The following ZBTB44 variants were observed in gnomAD, a reference collection of about 807,000 sequenced individuals.
ZBTB44 encodes the protein zinc finger and BTB domain containing 44, also known as zinc finger and BTB domain-containing protein 44.
In ZBTB44, 15 loss-of-function variants were observed where a neutral mutation model predicts 54.0. The observed-to-expected ratio is 0.28, with a 90% CI of 0.19 to 0.43. The LOEUF (loss-of-function observed/expected upper bound fraction) is 0.43. Among genes scored for constraint, ZBTB44 ranks in the 20% least tolerant of loss-of-function variants. The pLI is 1.00. For missense variants in ZBTB44, 487 were observed against 707.1 expected (o/e 0.69, Z 3.53); for synonymous variants, 230 against 250.1 (o/e 0.92, Z 0.76).
At chr11:130,241,900 T>C (rs191134366) in intron 2 of ZBTB44, among the ~76,000 whole-genome samples, 11 of 152,220 alleles carry the variant, frequency 7.2e-5, no homozygotes, top group Middle Eastern at 3.2e-3. Context: ...TCCTGTGTTG[T>C]ATGTCATGTA....
At chr11:130,265,100 C>T (rs1370145458) in intron 1 of ZBTB44, among the ~76,000 whole-genome samples, 2 of 152,130 alleles carry the variant, frequency 1.3e-5, no homozygotes, top group African/African-American at 4.8e-5. Context: ...ACTAGTCATT[C>T]CCCCATCTCT....
intron 1 of ZBTB44, among the ~76,000 whole-genome samples, chr11:130,298,493 C>G (rs1941798927): frequency 7.4e-6 from 1 of 135,462 alleles, no homozygotes; most frequent in African/African-American, 2.8e-5. Flanking sequence ...GACTGAGTCT[C>G]GCTCTGTCAC....
chr11:130,282,678 C>T (rs989112058), intron 1 of ZBTB44, among the ~76,000 whole-genome samples: 3 of 152,316 alleles, frequency 2.0e-5, no homozygotes, highest in Admixed American at 2.0e-4. Flanking sequence ...ACTGAAGTTA[C>T]CCCAAACATA....
intron 1 of ZBTB44, among the ~76,000 whole-genome samples, chr11:130,294,048 T>C (rs917331349): frequency 6.6e-6 from 1 of 152,156 alleles, no homozygotes; most frequent in Non-Finnish European, 1.5e-5. Context: ...TAATGTACAT[T>C]GAATAACTCC....
intron 1 of ZBTB44, chr11:130,285,257 T>C (rs927701307): frequency 1.3e-5 from 2 of 158,446 alleles, no homozygotes; most frequent in African/African-American, 4.8e-5. Flanking sequence ...TCTTTAGTAT[T>C]TCCTCCATCG....
intron 1 of ZBTB44, among the ~76,000 whole-genome samples, chr11:130,282,187 T>C (rs1467700478): frequency 6.6e-6 from 1 of 152,254 alleles, no homozygotes; most frequent in Non-Finnish European, 1.5e-5. Flanking sequence ...GCATACAGTT[T>C]GTATGTTCAC....
At chr11:130,258,986 A>G (rs1226431818) in intron 2 of ZBTB44, among the ~76,000 whole-genome samples, 2 of 152,232 alleles carry the variant, frequency 1.3e-5, no homozygotes, top group Non-Finnish European at 2.9e-5. Flanking sequence ...ATTACTACAA[A>G]GAGAATAAAA....
chr11:130,278,357 T>C (rs375584643), intron 1 of ZBTB44, among the ~76,000 whole-genome samples: 30 of 152,214 alleles, frequency 2.0e-4, no homozygotes, highest in African/African-American at 7.2e-4. Flanking sequence ...AACAGAGTGG[T>C]TGTAAGGGTA....
In ZBTB44 at chr11:130,313,758, C is replaced by A. The variant is rs188862324; in HGVS notation, c.-57+617G>T. 7.9e-5 allele frequency among the ~76,000 whole-genome samples: 12 copies of A among 152,102 alleles called. No individual in the cohort carries two copies. The East Asian group carries it at 1.4e-3, about 17-fold the overall frequency. ...CAATTACGGGGTTTTATTGTAAATT[C>A]TGCTTGGATTCATAGAACTCACATG... On this transcript the variant is annotated intron_variant, in intron 1 of 7. Coordinates refer to ENST00000357899, the MANE Select transcript of ZBTB44 (RefSeq NM_001301098.2).
intron 4 of ZBTB44, among the ~76,000 whole-genome samples, chr11:130,237,531 A>C (rs150652014): frequency 4.8e-4 from 73 of 152,360 alleles, no homozygotes; most frequent in African/African-American, 1.7e-3. Context: ...ACGAGAAGAA[A>C]GAACAATTTT....
chr11:130,295,314 T>C (rs757787864), intron 1 of ZBTB44, among the ~76,000 whole-genome samples: 5 of 151,920 alleles, frequency 3.3e-5, no homozygotes, highest in South Asian at 2.1e-4. Flanking sequence ...GTGGAAGATA[T>C]AAAACCTAAA....
At chr11:130,267,079 C>T (rs767552306) in intron 1 of ZBTB44, among the ~76,000 whole-genome samples, 5 of 152,022 alleles carry the variant, frequency 3.3e-5, no homozygotes, top group African/African-American at 4.8e-5. Context: ...AGCCTGGCAA[C>T]AGGGTGAAAC....
At chr11:130,251,470 T>TG in intron 2 of ZBTB44, among the ~76,000 whole-genome samples, 1 of 152,126 alleles carries the variant, frequency 6.6e-6, no homozygotes, top group Non-Finnish European at 1.5e-5. Flanking sequence ...TCCTCGAGAA[T>TG]AGCAACCCCA....
intron 2 of ZBTB44, among the ~76,000 whole-genome samples, chr11:130,257,145 A>T (rs1712552533): frequency 6.6e-6 from 1 of 151,970 alleles, no homozygotes; most frequent in Admixed American, 6.6e-5. Context: ...GCAGAGAGCC[A>T]AATCATGAGT....
chr11:130,242,202 T>C (rs552273127), intron 2 of ZBTB44, among the ~76,000 whole-genome samples: 70 of 152,338 alleles, frequency 4.6e-4, no homozygotes, highest in African/African-American at 1.7e-3. Flanking sequence ...TTTGTATTGG[T>C]TGCCTTAGAA....
intron 1 of ZBTB44, among the ~76,000 whole-genome samples, chr11:130,270,286 T>C (rs963941057): frequency 6.6e-6 from 1 of 152,206 alleles, no homozygotes; most frequent in African/African-American, 2.4e-5. Context: ...ATATTCTAAT[T>C]AAAACCCATG....
At chr11:130,244,914 C>T (rs588474) in intron 2 of ZBTB44, among the ~76,000 whole-genome samples, 84,960 of 151,978 alleles carry the variant, frequency 0.56, 27,275 homozygotes, top group South Asian at 0.69. Flanking sequence ...TTTAAGGCAT[C>T]CAAACTTTAT....
chr11:130,228,093 C>T lies in ZBTB44; in HGVS notation c.*3671G>A, dbSNP rs963522628. ...GCCATATACTATCCTCCAAGTTGGA[C>T]ATAAGGTGCCACAAGGCTGCCCTAC... is the stretch of plus-strand genomic sequence containing the variant. On this transcript the variant is annotated 3_prime_UTR_variant, in exon 8 of 8. Coordinates refer to ENST00000357899, the MANE Select transcript of ZBTB44 (RefSeq NM_001301098.2). 2.0e-5 allele frequency: 3 copies of T among 152,146 alleles called. No homozygotes were observed. Among genetic ancestry groups the T allele is most frequent in the Non-Finnish European group, 2.9e-5 (2 of 68,020 alleles). The allele number at this position is 152,146 out of a possible 1,614,324, so 9.4% of individuals were successfully genotyped here.
At chr11:130,300,035 T>C (rs1216211103) in intron 1 of ZBTB44, among the ~76,000 whole-genome samples, 2 of 152,220 alleles carry the variant, frequency 1.3e-5, no homozygotes, top group African/African-American at 4.8e-5. Flanking sequence ...GAAGACATTA[T>C]GCGAGTGAAA....
Sources: gnomAD v4.1 joint callset for allele counts (sites outside exome capture counted in the v4.1 genomes callset) on GRCh38, gnomAD v4.1.1 for gene constraint, MANE v1.5 for transcripts, NCBI Gene and HGNC (gene_info 2026-07-23, HGNC 2026-07-21) for gene names.